NEGR1: variants seen among roughly 807,000 people sequenced by gnomAD.
NEGR1 encodes the protein neuronal growth regulator 1, also known as IgLON family member 4.
In NEGR1, 10 loss-of-function variants were observed where a neutral mutation model predicts 40.9. That is an observed-to-expected ratio of 0.24 (90% CI 0.15 to 0.42). NEGR1 has a LOEUF of 0.42. Ranked by LOEUF, NEGR1 falls within the 10% of genes least tolerant of loss-of-function variation. NEGR1 has a pLI of 1.00. For missense variants in NEGR1, 352 were observed against 438.9 expected (o/e 0.80, Z 1.77); for synonymous variants, 185 against 166.8 (o/e 1.11, Z -0.84).
intron 2 of NEGR1, among the ~76,000 whole-genome samples, chr1:71,897,116 TTC>T (rs1484124021): frequency 6.6e-6 from 1 of 152,100 alleles, no homozygotes; most frequent in African/African-American, 2.4e-5. Context: ...CTGAGTATTC[TTC>T]TCTGTTCACG....
At chr1:71,505,326 C>T (rs1277015526) in intron 6 of NEGR1, among the ~76,000 whole-genome samples, 7 of 151,400 alleles carry the variant, frequency 4.6e-5, no homozygotes, top group East Asian at 2.0e-4. Context: ...CTCGCTCTTT[C>T]GCCGGAGTGC....
chr1:72,036,767 A>G (rs1646907342), intron 1 of NEGR1, among the ~76,000 whole-genome samples: 1 of 152,086 alleles, frequency 6.6e-6, no homozygotes, highest in African/African-American at 2.4e-5. Flanking sequence ...CTTTAACTTT[A>G]CATATATATA....
chr1:71,446,321 A>C (rs959553862), intron 6 of NEGR1, among the ~76,000 whole-genome samples: 1 of 152,196 alleles, frequency 6.6e-6, no homozygotes, highest in Non-Finnish European at 1.5e-5. Flanking sequence ...CTCAGAAAAC[A>C]AAGCTAGGAG....
At chr1:72,061,394 T>C (rs1475782367) in intron 1 of NEGR1, among the ~76,000 whole-genome samples, 1 of 151,784 alleles carries the variant, frequency 6.6e-6, no homozygotes, top group African/African-American at 2.4e-5. Context: ...AGATTTATTT[T>C]AGATATTTAA....
At position 71,745,614 on chromosome 1, in the gene NEGR1, A is replaced by C. The variant is rs376090598; in HGVS notation, c.535+30558T>G. Among the ~76,000 whole-genome samples the C allele has an allele frequency of 1.4e-3, 208 of 152,210 alleles. 1 individual carries two copies. The highest frequency in any genetic ancestry group is 4.7e-3 in the African/African-American group (196 of 41,530). On this transcript the variant is annotated intron_variant, in intron 3 of 6. Transcript: ENST00000357731. ...CTACCACCCCAGTTTCTGGACTGTA[A>C]AAATTTTGGGAAAGTTTCAGACCAG...
At chr1:71,915,160 T>C (rs1661538282) in intron 2 of NEGR1, among the ~76,000 whole-genome samples, 2 of 152,170 alleles carry the variant, frequency 1.3e-5, no homozygotes, top group South Asian at 2.1e-4. Flanking sequence ...AATAAAAAGG[T>C]TAGCAAGAAT....
intron 2 of NEGR1, among the ~76,000 whole-genome samples, chr1:71,917,649 G>A (rs1661622694): frequency 6.6e-6 from 1 of 151,606 alleles, no homozygotes; most frequent in South Asian, 2.1e-4. Flanking sequence ...CTGGTGGCGG[G>A]CGCCTGTAGT....
chr1:71,448,491 C>T (rs1350980842), intron 6 of NEGR1, among the ~76,000 whole-genome samples: 2 of 152,082 alleles, frequency 1.3e-5, no homozygotes, highest in Non-Finnish European at 2.9e-5. Context: ...CCCAGCAACT[C>T]AGGAGGCTGC....
chr1:71,838,302 T>G (rs1353963780), intron 2 of NEGR1, among the ~76,000 whole-genome samples: 1 of 152,152 alleles, frequency 6.6e-6, no homozygotes. Flanking sequence ...TAAAATATGT[T>G]TTAAATATAA....
intron 1 of NEGR1, among the ~76,000 whole-genome samples, chr1:72,026,812 C>A (rs1314653408): frequency 6.6e-6 from 1 of 152,128 alleles, no homozygotes; most frequent in East Asian, 1.9e-4. Context: ...ATTATTTCTA[C>A]CCTCTCCATC....
chr1:72,042,429 A>C (rs1293450418), intron 1 of NEGR1, among the ~76,000 whole-genome samples: 1 of 151,978 alleles, frequency 6.6e-6, no homozygotes, highest in African/African-American at 2.4e-5. Flanking sequence ...GCATACAAGG[A>C]AACACAACTG....
intron 1 of NEGR1, among the ~76,000 whole-genome samples, chr1:72,149,199 C>T (rs1036268105): frequency 6.6e-6 from 1 of 152,130 alleles, no homozygotes; most frequent in Admixed American, 6.6e-5. Context: ...GAGGAAGAAG[C>T]AAAAGCGGAA....
chr1:71,497,869 A>G (rs933632494), intron 6 of NEGR1, among the ~76,000 whole-genome samples: 1 of 152,124 alleles, frequency 6.6e-6, no homozygotes, highest in African/African-American at 2.4e-5. Context: ...TTCAAGACAG[A>G]ATGCGAAACT....
chr1:71,942,473 A>ATATATATATATATATATATATATATATT (rs1645970948), intron 1 of NEGR1, among the ~76,000 whole-genome samples: 1 of 13,112 alleles, frequency 7.6e-5, no homozygotes, highest in Non-Finnish European at 1.7e-4. Context: ...ATATATATAT[A>ATATATATATATATATATATATATATATT]TATATATATA....
chr1:71,456,608 C>T (rs1338533066), intron 6 of NEGR1, among the ~76,000 whole-genome samples: 5 of 152,152 alleles, frequency 3.3e-5, no homozygotes, highest in African/African-American at 1.2e-4. Context: ...TGGCTCATGG[C>T]CAGTCATCAT....
intron 6 of NEGR1, among the ~76,000 whole-genome samples, chr1:71,467,307 A>G (rs1415565972): frequency 1.3e-5 from 2 of 152,088 alleles, no homozygotes; most frequent in East Asian, 1.9e-4. Flanking sequence ...CATTTGCTAA[A>G]GTAGATGTCA....
chr1:71,433,233 G>T (rs1646480978), intron 6 of NEGR1, among the ~76,000 whole-genome samples: 1 of 152,170 alleles, frequency 6.6e-6, no homozygotes, highest in South Asian at 2.1e-4. Flanking sequence ...AAATTGTTCA[G>T]TCTCAAGTAT....
At chr1:72,146,681 A>G (rs1650921928) in intron 1 of NEGR1, among the ~76,000 whole-genome samples, 2 of 152,308 alleles carry the variant, frequency 1.3e-5, no homozygotes, top group South Asian at 2.1e-4. Context: ...ATCTCTTTAC[A>G]TATATGCAAA....
intron 6 of NEGR1, among the ~76,000 whole-genome samples, chr1:71,588,820 T>G (rs1649399387): frequency 6.6e-6 from 1 of 151,892 alleles, no homozygotes; most frequent in African/African-American, 2.4e-5. Flanking sequence ...ACATTGCAAG[T>G]TCACTATAGT....
Sources: allele counts gnomAD v4.1 joint callset (sites outside exome capture counted in the v4.1 genomes callset), GRCh38; gene constraint gnomAD v4.1.1; transcripts MANE v1.5; gene names NCBI Gene and HGNC (gene_info 2026-07-23, HGNC 2026-07-21).